ERICH5: variants seen among roughly 807,000 people sequenced by gnomAD.
ERICH5 encodes the protein glutamate-rich protein 5.
In ERICH5, 24 loss-of-function variants were observed where a neutral mutation model predicts 28.0. The ratio of observed to expected loss-of-function variants is 0.86; its 90% CI spans 0.62 to 1.21. The LOEUF (loss-of-function observed/expected upper bound fraction) is 1.21. ERICH5 is among the 50% of genes most tolerant of loss of function. The probability of loss-of-function intolerance (pLI) is 0.00; values close to 1 mark genes in which losing one functional copy is unlikely to be tolerated. For missense variants in ERICH5, 421 were observed against 441.2 expected (o/e 0.95, Z 0.41); for synonymous variants, 163 against 157.6 (o/e 1.03, Z -0.25).
intron 2 of ERICH5, among the ~76,000 whole-genome samples, chr8:98,091,836 TTTTCTTTCTTTCTTTCTTTCTTTC>T (rs3074382): frequency 9.3e-5 from 10 of 107,226 alleles, no homozygotes; most frequent in Non-Finnish European, 1.3e-4. Context: ...TTCTTTTTCT[TTTTCTTTCTTTCTTTCTTTCTTTC>T]TTTCTTTCTT....
rs180879151 is a variant in ERICH5 at position 98,092,964 on chromosome 8, C to T, written c.1013-257C>T. 1.8e-4 allele frequency among the ~76,000 whole-genome samples: 27 copies of T among 151,936 alleles called. No individual in the cohort carries two copies. The East Asian group carries it at 2.1e-3, about 12-fold the overall frequency. On this transcript the variant is annotated intron_variant, in intron 2 of 2. Transcript: ENST00000318528. ...CTAATTTTTGTATTTTTAGTAGAGA[C>T]GGGGTTTCATTACTTTGGGCTAGGC...
At chr8:98,088,598 A>C (rs532593368) in intron 1 of ERICH5, among the ~76,000 whole-genome samples, 51 of 152,278 alleles carry the variant, frequency 3.3e-4, no homozygotes, top group Non-Finnish European at 6.0e-4. Context: ...CCTGTGTTAG[A>C]AGGAAAGTAA....
intron 1 of ERICH5, among the ~76,000 whole-genome samples, chr8:98,077,044 C>T (rs1008672300): frequency 1.3e-5 from 2 of 151,856 alleles, no homozygotes; most frequent in South Asian, 4.2e-4. Context: ...AGGAGGATCG[C>T]TTCAGGCCAG....
intron 1 of ERICH5, 74 bp from the exon 2 acceptor site, chr8:98,089,002 C>A: frequency 8.8e-7 from 1 of 1,139,518 alleles, no homozygotes; most frequent in Non-Finnish European, 1.2e-6. Context: ...GATGTCAATT[C>A]ACTTTTCAAG....
rs191363799 is a variant in ERICH5 at position 98,067,932 on chromosome 8, A to G, written c.58+3205A>G. 2.9e-3 allele frequency among the ~76,000 whole-genome samples: 437 copies of G among 152,238 alleles called. 3 individuals are homozygous for G. The highest frequency in any genetic ancestry group is 9.4e-3 in the African/African-American group (392 of 41,580). On this transcript the variant is annotated intron_variant, in intron 1 of 2. Coordinates refer to ENST00000318528, the MANE Select transcript of ERICH5 (RefSeq NM_173549.3). Reference sequence around the variant, plus strand: ...ACTATATATATTATTTAGGGATAGAATAATCCCTTATTATGATTCTAAATA... The same window carrying G: ...ACTATATATATTATTTAGGGATAGAGTAATCCCTTATTATGATTCTAAATA...
In ERICH5 at chr8:98,088,970, T is replaced by C. The variant is rs1227718749; in HGVS notation, c.59-106T>C. The C allele has an allele frequency of 6.0e-6, 5 of 830,000 alleles. No homozygotes were observed. The East Asian group carries it at 1.3e-4, about 22-fold the overall frequency. 51.4% of individuals were successfully genotyped at this position (830,000 alleles called of 1,614,324 possible). A position where few individuals can be genotyped will look rare whatever the true frequency, so the allele number is the denominator to read the frequency against. The stretch of plus-strand genomic sequence containing the variant: ...TACTCAGATATATTTGGAACTGTCT[T>C]GAACTGTTAAATCTACTTTGTGATG... On this transcript the variant is annotated intron_variant, in intron 1 of 2. Coordinates refer to ENST00000318528, the MANE Select transcript of ERICH5 (RefSeq NM_173549.3).
intron 1 of ERICH5, among the ~76,000 whole-genome samples, chr8:98,068,279 G>A (rs547978781): frequency 9.2e-5 from 14 of 152,292 alleles, no homozygotes; most frequent in East Asian, 5.8e-4. Flanking sequence ...TGAATCTCAC[G>A]GAGCTGCTTC....
chr8:98,087,112 G>T (rs1815296320), intron 1 of ERICH5, among the ~76,000 whole-genome samples: 1 of 152,170 alleles, frequency 6.6e-6, no homozygotes, highest in Non-Finnish European at 1.5e-5. Flanking sequence ...GGAAGTCAAG[G>T]CAGGTGGATC....
rs1482289922 is a variant in ERICH5 at position 98,065,364 on chromosome 8, A to G, written c.58+637A>G. Among the ~76,000 whole-genome samples, 6 of 152,236 alleles carry G rather than the reference A, an allele frequency of 3.9e-5. No homozygotes were observed. In the South Asian group the frequency reaches 6.2e-4, roughly 16 times the overall value. ...TGGGTCCCTGCACTCTGAATAGGTCAGACACACTTTCCCCTATCTTCGGCT... is the reference window on the plus strand; with the variant it reads ...TGGGTCCCTGCACTCTGAATAGGTCGGACACACTTTCCCCTATCTTCGGCT... On this transcript the variant is annotated intron_variant, in intron 1 of 2. Coordinates refer to ENST00000318528, the MANE Select transcript of ERICH5 (RefSeq NM_173549.3).
chr8:98,072,700 C>G (rs1025414590), intron 1 of ERICH5, among the ~76,000 whole-genome samples: 2 of 152,122 alleles, frequency 1.3e-5, no homozygotes. Flanking sequence ...TCCAGCTGCT[C>G]TGTCATTTTC....
rs113699409 is a variant in ERICH5, at chr8:98,067,903, C to T, written c.58+3176C>T. Among the ~76,000 whole-genome samples the T allele has an allele frequency of 9.7e-4, 147 of 151,980 alleles. 1 individual carries two copies. Among genetic ancestry groups the T allele is most frequent in the African/African-American group, 3.4e-3 (143 of 41,450 alleles). On this transcript the variant is annotated intron_variant, in intron 1 of 2. Coordinates refer to ENST00000318528, the MANE Select transcript of ERICH5 (RefSeq NM_173549.3). ...ATAGGCATGAGCCACCACGCGTGGCCTATACTATATATATTATTTAGGGAT... is the reference window on the plus strand; with the variant it reads ...ATAGGCATGAGCCACCACGCGTGGCTTATACTATATATATTATTTAGGGAT...
rs760470751 is a variant in ERICH5, at chr8:98,085,136, C to CTTTTTT, written c.59-3903_59-3898dup. Among the ~76,000 whole-genome samples the CTTTTTT allele has an allele frequency of 1.3e-3, 73 of 57,318 alleles. 12 individuals are homozygous for CTTTTTT. The highest frequency in any genetic ancestry group is 2.3e-3 in the Non-Finnish European group (65 of 28,402). The allele number at this position is 57,318 out of a possible 152,430, so 37.6% of individuals were successfully genotyped here. Reference sequence around the variant, plus strand: ...TTCCCTGGTGTGAACGTTCCACAGCCTTTTTTTTTTTTTTTTTTTTTTTTT... The same window carrying CTTTTTT: ...TTCCCTGGTGTGAACGTTCCACAGCCTTTTTTTTTTTTTTTTTTTTTTTTTTTTTTT... On this transcript the variant is annotated intron_variant, in intron 1 of 2. Coordinates refer to ENST00000318528, the MANE Select transcript of ERICH5 (RefSeq NM_173549.3).
intron 1 of ERICH5, among the ~76,000 whole-genome samples, chr8:98,069,921 G>A (rs1483946194): frequency 6.6e-6 from 1 of 152,232 alleles, no homozygotes; most frequent in African/African-American, 2.4e-5. Context: ...AGGAGATAAG[G>A]AGGGAGCATG....
In ERICH5 at chr8:98,070,877, G is replaced by T. The variant is rs1417054565; in HGVS notation, c.58+6150G>T. The stretch of plus-strand genomic sequence containing the variant: ...CTGAAAGGTAATATTGGCCAAGATG[G>T]GCTTAGAAAGAGTGTCGGGTTGTGT... On this transcript the variant is annotated intron_variant, in intron 1 of 2. Transcript: ENST00000318528. 2.0e-5 allele frequency among the ~76,000 whole-genome samples: 3 copies of T among 151,932 alleles called. No individual in the cohort carries two copies. The East Asian group carries it at 5.8e-4, about 29-fold the overall frequency.
Position 98,089,741 on chromosome 8 carries a change from G to C in ERICH5, c.724G>C (p.Glu242Gln). ...AAGTCAGTTTGTGGAAACAGCTGAA[G>C]AGCAGCAACTTCAGGCAACATTGGG... ...EGSQFVETAE[E>Q]QQLQATLGKE... The change falls in exon 2 of 3, where the codon GAG becomes CAG. Residue 242 changes from glutamate (E) to glutamine (Q), a missense_variant. By Grantham distance (29) the Glu-to-Gln change is conservative. Transcript: ENST00000318528. 1 of 1,614,152 alleles carries C rather than the reference G, an allele frequency of 6.2e-7. No individual in the cohort carries two copies. Among genetic ancestry groups the C allele is most frequent in the South Asian group, 1.1e-5 (1 of 91,072 alleles).
intron 1 of ERICH5, among the ~76,000 whole-genome samples, chr8:98,076,900 T>G (rs969386767): frequency 6.6e-6 from 1 of 152,106 alleles, no homozygotes; most frequent in Non-Finnish European, 1.5e-5. Context: ...ATCTTCAAAG[T>G]GGAATCAAAC....
intron 1 of ERICH5, among the ~76,000 whole-genome samples, chr8:98,070,244 T>A (rs1388282304): frequency 6.6e-6 from 1 of 152,102 alleles, no homozygotes; most frequent in African/African-American, 2.4e-5. Flanking sequence ...TGCAATCAGC[T>A]GAGTGTGGAC....
At position 98,089,264 on chromosome 8, in the gene ERICH5, C is replaced by A. The variant is rs773034419; in HGVS notation, c.247C>A (p.Pro83Thr). Reference protein sequence around the residue: ...ANGVKPLQEQPLAKDVAPGRD... With the variant: ...ANGVKPLQEQTLAKDVAPGRD... ...TGGTGTTAAACCCCTCCAAGAACAGCCCCTGGCCAAGGACGTAGCCCCTGG... is the reference window on the plus strand; with the variant it reads ...TGGTGTTAAACCCCTCCAAGAACAGACCCTGGCCAAGGACGTAGCCCCTGG... The change falls in exon 2 of 3, where the codon CCC becomes ACC. Residue 83 changes from proline to threonine, a missense_variant. By Grantham distance (38) the Pro-to-Thr change is conservative. Coordinates refer to ENST00000318528, the MANE Select transcript of ERICH5 (RefSeq NM_173549.3). 3 of 1,614,242 alleles carry A rather than the reference C, an allele frequency of 1.9e-6. No homozygotes were observed. Among genetic ancestry groups the A allele is most frequent in the South Asian group, 2.2e-5 (2 of 91,086 alleles).
intron 1 of ERICH5, among the ~76,000 whole-genome samples, chr8:98,065,468 T>A (rs1191937840): frequency 6.6e-6 from 1 of 152,200 alleles, no homozygotes; most frequent in African/African-American, 2.4e-5. Context: ...AAGGACATTT[T>A]GAGCATCTGC....
Sources: allele counts gnomAD v4.1 joint callset (sites outside exome capture counted in the v4.1 genomes callset), GRCh38; gene constraint gnomAD v4.1.1; transcripts MANE v1.5; gene names NCBI Gene and HGNC (gene_info 2026-07-23, HGNC 2026-07-21).